The following CCSER1 variants were observed in gnomAD, a reference collection of about 807,000 sequenced individuals.
The protein encoded by CCSER1 is serine-rich coiled-coil domain-containing protein 1.
A neutral mutation model predicts 82.0 loss-of-function variants in CCSER1; 41 were observed. The ratio of observed to expected loss-of-function variants is 0.50; its 90% CI spans 0.39 to 0.65. The LOEUF (loss-of-function observed/expected upper bound fraction) is 0.65, where lower values mean the gene tolerates loss of function less well. CCSER1 is among the 30% of genes least tolerant of loss of function. The probability of loss-of-function intolerance (pLI) is 0.00; values close to 1 mark genes in which losing one functional copy is unlikely to be tolerated. For synonymous variants in CCSER1, 414 were observed against 383.9 expected (o/e 1.08, Z -0.92); for missense variants, 1,119 against 1,064.2 (o/e 1.05, Z -0.72).
chr4:90,424,315 T>C (rs1357318969), intron 4 of CCSER1, among the ~76,000 whole-genome samples: 2 of 152,140 alleles, frequency 1.3e-5, no homozygotes, highest in Non-Finnish European at 2.9e-5. Flanking sequence ...TCATGTATCA[T>C]TGCCTTCAGA....
chr4:91,043,868 G>A (rs1225891073), intron 9 of CCSER1, among the ~76,000 whole-genome samples: 8 of 152,242 alleles, frequency 5.3e-5, no homozygotes, highest in East Asian at 1.9e-4. Context: ...GATGACAGTC[G>A]TGAGCAACCA....
intron 10 of CCSER1, among the ~76,000 whole-genome samples, chr4:91,584,151 G>T (rs926750250): frequency 2.6e-5 from 4 of 151,392 alleles, no homozygotes; most frequent in Non-Finnish European, 5.9e-5. Flanking sequence ...ACTACTAAAT[G>T]CCAGAACCAG....
intron 1 of CCSER1, among the ~76,000 whole-genome samples, chr4:90,148,981 T>C (rs1002148142): frequency 8.5e-5 from 13 of 152,138 alleles, no homozygotes; most frequent in African/African-American, 3.1e-4. Context: ...CATTTTAGAA[T>C]ATGAAAGGCA....
intron 5 of CCSER1, among the ~76,000 whole-genome samples, chr4:90,500,556 C>A (rs1350812504): frequency 6.6e-6 from 1 of 151,946 alleles, no homozygotes; most frequent in Non-Finnish European, 1.5e-5. Context: ...TTTTTGAACT[C>A]CTGGCTTCAA....
intron 10 of CCSER1, among the ~76,000 whole-genome samples, chr4:91,375,001 A>T (rs1306103838): frequency 2.0e-5 from 3 of 152,206 alleles, no homozygotes; most frequent in Non-Finnish European, 4.4e-5. Context: ...TCTGTCAAAA[A>T]AAAAATTGTC....
intron 10 of CCSER1, among the ~76,000 whole-genome samples, chr4:91,298,936 C>T (rs1005576116): frequency 1.3e-5 from 2 of 152,022 alleles, no homozygotes; most frequent in Middle Eastern, 3.4e-3. Context: ...GGTGTCTAGA[C>T]GAGCAGCAGC....
chr4:90,534,386 C>T (rs1775017043), intron 5 of CCSER1, among the ~76,000 whole-genome samples: 1 of 151,984 alleles, frequency 6.6e-6, no homozygotes. Context: ...GCCTCGGCCT[C>T]CCGAAGTGCT....
chr4:90,914,536 A>G (rs1278716750), intron 8 of CCSER1, among the ~76,000 whole-genome samples: 1 of 152,182 alleles, frequency 6.6e-6, no homozygotes, highest in Non-Finnish European at 1.5e-5. Flanking sequence ...CCCACAAGAG[A>G]AAGCAGGAAA....
intron 10 of CCSER1, chr4:91,107,991 CCT>C (rs1289748105): frequency 3.3e-5 from 5 of 152,148 alleles, no homozygotes; most frequent in African/African-American, 1.2e-4. Context: ...ATACCGATGT[CCT>C]GACCATCATT....
rs1164601796 is a variant in CCSER1, at chr4:90,547,212, G to A, written c.1724+78858G>A. On this transcript the variant is annotated intron_variant, in intron 5 of 10. Transcript: ENST00000509176. ...TGCCTATTGTTAATGCCAATACAAT[G>A]TGACACAATTAAATAAAATAAAATA... Among the ~76,000 whole-genome samples the A allele has an allele frequency of 4.7e-5, 7 of 149,392 alleles. No homozygotes were observed. In the East Asian group the frequency reaches 9.9e-4, roughly 21 times the overall value.
At chr4:91,189,999 A>C (rs976681949) in intron 10 of CCSER1, among the ~76,000 whole-genome samples, 1 of 152,164 alleles carries the variant, frequency 6.6e-6, no homozygotes, top group Admixed American at 6.6e-5. Context: ...CAGTCAGTGC[A>C]TGTTGCAGTA....
intron 10 of CCSER1, among the ~76,000 whole-genome samples, chr4:91,476,263 T>C (rs1757588206): frequency 1.3e-5 from 2 of 151,838 alleles, no homozygotes; most frequent in African/African-American, 4.8e-5. Flanking sequence ...ACCAACAGTA[T>C]ATGAGTCTCT....
intron 6 of CCSER1, among the ~76,000 whole-genome samples, chr4:90,653,450 T>G (rs2149056677): frequency 6.6e-6 from 1 of 152,186 alleles, no homozygotes; most frequent in African/African-American, 2.4e-5. Flanking sequence ...AAAAAAAAAT[T>G]TTAATGAAAC....
At chr4:90,465,273 G>A (rs1763473335) in intron 4 of CCSER1, among the ~76,000 whole-genome samples, 1 of 151,582 alleles carries the variant, frequency 6.6e-6, no homozygotes. Flanking sequence ...CCAAAGTGCT[G>A]GGATTACAGG....
chr4:91,195,429 G>C (rs1201510894), intron 10 of CCSER1, among the ~76,000 whole-genome samples: 1 of 152,136 alleles, frequency 6.6e-6, no homozygotes, highest in East Asian at 1.9e-4. Context: ...GGAGACGGGA[G>C]GTAAGCAAAC....
At chr4:90,872,846 C>T (rs940837698) in intron 8 of CCSER1, among the ~76,000 whole-genome samples, 1 of 151,876 alleles carries the variant, frequency 6.6e-6, no homozygotes, top group Admixed American at 6.6e-5. Flanking sequence ...CTGGGAAAGA[C>T]TTTGTATCTC....
At chr4:91,077,208 C>T (rs1480309684) in intron 9 of CCSER1, among the ~76,000 whole-genome samples, 1 of 152,024 alleles carries the variant, frequency 6.6e-6, no homozygotes, top group Non-Finnish European at 1.5e-5. Flanking sequence ...CACAGAGGGA[C>T]CAAGCCTTAG....
At chr4:90,532,778 A>G (rs1200413927) in intron 5 of CCSER1, among the ~76,000 whole-genome samples, 3 of 152,152 alleles carry the variant, frequency 2.0e-5, no homozygotes, top group African/African-American at 7.2e-5. Context: ...ATATTTTTGT[A>G]GCTTTATATC....
At chr4:90,970,551 AAATT>A (rs1735005825) in intron 9 of CCSER1, among the ~76,000 whole-genome samples, 1 of 151,992 alleles carries the variant, frequency 6.6e-6, no homozygotes, top group Non-Finnish European at 1.5e-5. Context: ...TCTCTATAGA[AAATT>A]AAATAAGGAA....
Sources: allele counts gnomAD v4.1 joint callset (sites outside exome capture counted in the v4.1 genomes callset), GRCh38; gene constraint gnomAD v4.1.1; transcripts MANE v1.5; gene names NCBI Gene and HGNC (gene_info 2026-07-23, HGNC 2026-07-21).